Variants in ATG7 observed in about 807,000 individuals in gnomAD.
The protein encoded by ATG7 is ubiquitin-like modifier-activating enzyme ATG7.
A neutral mutation model predicts 82.4 loss-of-function variants in ATG7; 70 were observed. The observed-to-expected ratio is 0.85, with a 90% CI of 0.70 to 1.04. The LOEUF is 1.04. Among genes scored for constraint, ATG7 ranks in the 50% least tolerant of loss-of-function variants. ATG7 has a pLI of 0.00. For synonymous variants in ATG7, 287 were observed against 313.0 expected (o/e 0.92, Z 0.88); for missense variants, 792 against 864.3 (o/e 0.92, Z 1.05).
the ATG7 span, among the ~76,000 whole-genome samples, chr3:11,563,744 A>C: frequency 6.6e-6 from 1 of 152,208 alleles, no homozygotes; most frequent in Non-Finnish European, 1.5e-5. Context: ...CCCCTGGCAC[A>C]CAGCAGGGGT....
intron 20 of ATG7, among the ~76,000 whole-genome samples, chr3:11,476,260 A>G (rs1182359328): frequency 6.6e-6 from 1 of 152,164 alleles, no homozygotes; most frequent in Non-Finnish European, 1.5e-5. Flanking sequence ...GTTTTCTCCC[A>G]GCATTCATTC....
At chr3:11,463,084 C>A (rs1483857109) in intron 20 of ATG7, among the ~76,000 whole-genome samples, 1 of 151,880 alleles carries the variant, frequency 6.6e-6, no homozygotes, top group African/African-American at 2.4e-5. Flanking sequence ...GGGGTTTTGC[C>A]ATGTTGATCA....
rs146405109 is a variant in ATG7, at chr3:11,376,984, C to G, written c.1876-2988C>G. Among the ~76,000 whole-genome samples the G allele has an allele frequency of 7.2e-3, 1,089 of 152,272 alleles. 17 individuals are homozygous for G. The highest frequency in any genetic ancestry group is 0.025 in the African/African-American group (1,032 of 41,544). On this transcript the variant is annotated intron_variant, in intron 18 of 20. Coordinates refer to ENST00000693202, the MANE Select transcript of ATG7 (RefSeq NM_001349232.2). ...TTGATCTCCTGACCTCATCATCCGC[C>G]CTCCTCGGCCTCCCAAAGTGCTGGG...
the ATG7 span, among the ~76,000 whole-genome samples, chr3:11,568,291 C>A: frequency 4.6e-5 from 7 of 152,300 alleles, no homozygotes; most frequent in South Asian, 1.4e-3. The surrounding 1 kb of genome is among the most constrained non-coding windows in gnomAD (Gnocchi z 5.9). Context: ...CTCAGCTGCG[C>A]CTTAGGAAAT....
At chr3:11,342,864 C>T (rs991910224) in intron 13 of ATG7, among the ~76,000 whole-genome samples, 2 of 150,780 alleles carry the variant, frequency 1.3e-5, no homozygotes, top group Non-Finnish European at 2.9e-5. Context: ...AAACCCTGGA[C>T]ATAGAATTAC....
At chr3:11,426,745 C>G in intron 19 of ATG7, 59 bp from the exon 20 acceptor site, 1 of 1,418,372 alleles carries the variant, frequency 7.1e-7, no homozygotes, top group South Asian at 1.5e-5. Flanking sequence ...AAGTGAAAGT[C>G]TTTTAATTTG....
chr3:11,372,704 A>T (rs905121784), intron 18 of ATG7, among the ~76,000 whole-genome samples: 3 of 151,164 alleles, frequency 2.0e-5, no homozygotes, highest in Non-Finnish European at 4.4e-5. Context: ...AAGGGAAAAA[A>T]AATGTAATGG....
chr3:11,411,213 C>T (rs570861165), intron 19 of ATG7, among the ~76,000 whole-genome samples: 24 of 152,196 alleles, frequency 1.6e-4, no homozygotes, highest in African/African-American at 4.6e-4. Flanking sequence ...AGCATCTTTT[C>T]GTGTGCTTAT....
intron 19 of ATG7, among the ~76,000 whole-genome samples, 155 bp from the exon 20 acceptor site, chr3:11,426,649 C>T (rs1019907201): frequency 1.7e-4 from 26 of 152,116 alleles, no homozygotes; most frequent in African/African-American, 2.7e-4. Flanking sequence ...AATACTAAGC[C>T]GTACTAGTTT....
chr3:11,475,683 A>G (rs895441994), intron 20 of ATG7, among the ~76,000 whole-genome samples: 7 of 152,156 alleles, frequency 4.6e-5, no homozygotes, highest in African/African-American at 1.4e-4. Context: ...ATTTGTTGAT[A>G]CTGTTAACTT....
chr3:11,281,848 T>C (rs529386864), intron 2 of ATG7, among the ~76,000 whole-genome samples: 1 of 152,104 alleles, frequency 6.6e-6, no homozygotes, highest in East Asian at 1.9e-4. Flanking sequence ...AGGCCTTTGC[T>C]TGGCCCAGTT....
rs965211964 is a variant in ATG7 at position 11,313,324 on chromosome 3, C to T, written c.432C>T (p.Phe144=). Residue 144 remains phenylalanine (F), a synonymous_variant, in exon 8 of 21, where the codon TTC becomes TTT. Coordinates refer to ENST00000693202, the MANE Select transcript of ATG7 (RefSeq NM_001349232.2). ...TCTAGGATCTAAAGAAGTACCACTT[C>T]TACTATTGGTTTTGCTATCCTGCCC... ...LTFADLKKYH[F]YYWFCYPALC... The T allele has an allele frequency of 2.5e-6, 4 of 1,608,934 alleles. No homozygotes were observed. The highest frequency in any genetic ancestry group is 1.3e-5 in the African/African-American group (1 of 74,746).
chr3:11,272,714 G>A (rs1940735017), intron 1 of ATG7: 1 of 152,250 alleles, frequency 6.6e-6, no homozygotes, highest in African/African-American at 2.4e-5. Context: ...CTCTTGGTAG[G>A]CAGTGCTCAG....
At chr3:11,497,359 A>ATATATATATGTATATGTG (rs1279695737) in intron 20 of ATG7, among the ~76,000 whole-genome samples, 1 of 37,204 alleles carries the variant, frequency 2.7e-5, no homozygotes, top group African/African-American at 8.8e-5. Context: ...TAAAAATACT[A>ATATATATATGTATATGTG]TATATATATA....
intron 20 of ATG7, among the ~76,000 whole-genome samples, chr3:11,470,008 AAG>A (rs1553684785): frequency 1.0e-3 from 146 of 141,074 alleles, no homozygotes; most frequent in African/African-American, 2.0e-3. Flanking sequence ...AAAAAAAAAA[AAG>A]AGAGAGAGAG....
chr3:11,411,260 C>T (rs1208492361), intron 19 of ATG7, among the ~76,000 whole-genome samples: 1 of 152,246 alleles, frequency 6.6e-6, no homozygotes, highest in East Asian at 1.9e-4. Flanking sequence ...TGTCTGTTCA[C>T]ATCATCTGCC....
chr3:11,527,090 T>TATATATAC (rs1328054386), intron 20 of ATG7, among the ~76,000 whole-genome samples: 2 of 145,410 alleles, frequency 1.4e-5, no homozygotes, highest in African/African-American at 2.5e-5. Flanking sequence ...TATATATATA[T>TATATATAC]ATACATACAT....
At chr3:11,311,002 C>T (rs769759341) in intron 7 of ATG7, among the ~76,000 whole-genome samples, 4 of 152,130 alleles carry the variant, frequency 2.6e-5, no homozygotes, top group African/African-American at 7.2e-5. Context: ...AACGTCAGTA[C>T]GCTTTCTGTA....
At chr3:11,528,334 TAA>T (rs2092626309) in intron 20 of ATG7, among the ~76,000 whole-genome samples, 1 of 152,148 alleles carries the variant, frequency 6.6e-6, no homozygotes, top group Non-Finnish European at 1.5e-5. Flanking sequence ...TAAAAAAACA[TAA>T]GATAGCTATC....
Sources: allele counts gnomAD v4.1 joint callset (sites outside exome capture counted in the v4.1 genomes callset), GRCh38; gene constraint gnomAD v4.1.1; non-coding constraint Gnocchi (gnomAD v3.1); transcripts MANE v1.5; gene names NCBI Gene and HGNC (gene_info 2026-07-23, HGNC 2026-07-21).